RUFY2: variants seen among roughly 807,000 people sequenced by gnomAD.
RUFY2 encodes RUN and FYVE domain containing 2, also known as RUN and FYVE domain-containing protein 2.
Under a neutral mutation model 94.4 loss-of-function variants are expected in RUFY2, and 49 were observed. The ratio of observed to expected loss-of-function variants is 0.52; its 90% confidence interval spans 0.41 to 0.66. The LOEUF (loss-of-function observed/expected upper bound fraction) is 0.66, where lower values mean the gene tolerates loss of function less well. Among genes scored for constraint, RUFY2 ranks in the 30% least tolerant of loss-of-function variants. The pLI, the probability that RUFY2 is intolerant of heterozygous loss-of-function variation, is 0.00. For synonymous variants in RUFY2, 255 were observed against 235.7 expected, an observed-to-expected ratio of 1.08 and a Z score of -0.75; for missense variants, 541 against 692.8, an observed-to-expected ratio of 0.78 and a Z score of 2.46.
At chr10:68,354,984 T>TTACAGGCACCCACTACCACAC in intron 16 of RUFY2, among the ~76,000 whole-genome samples, 1 of 152,182 alleles carries the variant, frequency 6.6e-6, no homozygotes, top group South Asian at 2.1e-4. Context: ...GTGGCTGGGA[T>TTACAGGCACCCACTACCACAC]TACAGGCACC....
intron 13 of RUFY2, among the ~76,000 whole-genome samples, chr10:68,366,739 A>AATATATAT (rs35377318): frequency 4.2e-5 from 5 of 117,888 alleles, no homozygotes; most frequent in South Asian, 6.8e-4. Flanking sequence ...GAGACTCTAA[A>AATATATAT]ATATATATAT....
chr10:68,368,545 T>G (rs1432088837), intron 13 of RUFY2, among the ~76,000 whole-genome samples: 1 of 151,538 alleles, frequency 6.6e-6, no homozygotes, highest in East Asian at 2.0e-4. Flanking sequence ...TGTAATCCCA[T>G]CTACTTGGGA....
At position 68,344,020 on chromosome 10, in the gene RUFY2, A is replaced by AATC. The variant is rs932945766; in HGVS notation, c.*1745_*1747dup. The AATC allele has an allele frequency of 6.6e-6, 1 of 152,154 alleles. No individual in the cohort carries two copies. The highest frequency in any genetic ancestry group is 6.5e-5 in the Admixed American group (1 of 15,268). 9.4% of individuals were successfully genotyped at this position (152,154 alleles called of 1,614,324 possible). A position where few individuals can be genotyped will look rare whatever the true frequency, so the allele number is the denominator to read the frequency against. On this transcript the variant is annotated 3_prime_UTR_variant, in exon 18 of 18. Transcript: ENST00000602465. ...AAATTTCATTTTTTGTTTATTCAGT[A>AATC]ATCATAAAAATGTTAGCCCATCCCA...
intron 3 of RUFY2, among the ~76,000 whole-genome samples, chr10:68,400,828 T>C (rs1226348698): frequency 6.6e-6 from 1 of 151,322 alleles, no homozygotes; most frequent in Non-Finnish European, 1.5e-5. Flanking sequence ...CTAGCTAACA[T>C]GGTGAAACCC....
intron 13 of RUFY2, among the ~76,000 whole-genome samples, chr10:68,367,754 CTT>C (rs1215260821): frequency 4.1e-5 from 5 of 122,712 alleles, no homozygotes; most frequent in Admixed American, 3.7e-4. Flanking sequence ...CTCTCTCTCT[CTT>C]TCCTTCCTTT....
At chr10:68,362,134 G>C (rs549222233) in intron 15 of RUFY2, among the ~76,000 whole-genome samples, 2 of 152,076 alleles carry the variant, frequency 1.3e-5, no homozygotes, top group African/African-American at 4.8e-5. Flanking sequence ...AGACCAGCCT[G>C]GACAACATAC....
intron 13 of RUFY2, among the ~76,000 whole-genome samples, chr10:68,365,495 CTG>C (rs1260651101): frequency 6.6e-6 from 1 of 152,144 alleles, no homozygotes; most frequent in East Asian, 1.9e-4. Flanking sequence ...GAATGGTGTC[CTG>C]TGGAAGACTG....
chr10:68,379,859 G>A lies in RUFY2; in HGVS notation c.1108-338C>T, dbSNP rs1210318497. Among the ~76,000 whole-genome samples, 3 of 150,792 alleles carry A rather than the reference G, an allele frequency of 2.0e-5. No individual in the cohort carries two copies. The East Asian group carries it at 5.8e-4, about 29-fold the overall frequency. On this transcript the variant is annotated intron_variant, in intron 11 of 17. Coordinates refer to ENST00000602465, the MANE Select transcript of RUFY2 (RefSeq NM_001330103.2). ...GTCTCACTCTGTCGCCCAGGCTGGA[G>A]TGCAGTGGCACCATCTCGCCTCACT...
intron 11 of RUFY2, among the ~76,000 whole-genome samples, chr10:68,379,894 G>A (rs959083140): frequency 8.0e-5 from 12 of 150,610 alleles, no homozygotes; most frequent in East Asian, 5.8e-4. Context: ...TGCAAGCTCC[G>A]CCTCTCAGGT....
intron 15 of RUFY2, among the ~76,000 whole-genome samples, chr10:68,360,897 CAAATAAATAAAT>C (rs56749024): frequency 6.7e-5 from 10 of 148,634 alleles, no homozygotes; most frequent in Non-Finnish European, 8.9e-5. Context: ...GACCCCGTCT[CAAATAAATAAAT>C]AAATAAATAA....
chr10:68,383,918 G>C lies in RUFY2; in HGVS notation c.823-4C>G. 1 of 1,608,444 alleles carries C rather than the reference G, an allele frequency of 6.2e-7. No homozygotes were observed. The highest frequency in any genetic ancestry group is 8.5e-7 in the Non-Finnish European group (1 of 1,175,946). On this transcript the variant is annotated splice_region_variant and splice_polypyrimidine_tract_variant and intron_variant, in intron 9 of 17. Coordinates refer to ENST00000602465, the MANE Select transcript of RUFY2 (RefSeq NM_001330103.2). ...TTTCCACATCTACTTTGGTAACCTA[G>C]GAAGAAAACAAAATTTTTCATTCTA... is the stretch of plus-strand genomic sequence containing the variant.
intron 15 of RUFY2, among the ~76,000 whole-genome samples, chr10:68,358,993 AC>A (rs1564789962): frequency 6.6e-6 from 1 of 152,168 alleles, no homozygotes; most frequent in Non-Finnish European, 1.5e-5. Context: ...ATAAATAAGG[AC>A]TCAAAAAAGA....
intron 13 of RUFY2, among the ~76,000 whole-genome samples, chr10:68,371,411 G>C (rs2048269373): frequency 6.6e-6 from 1 of 150,840 alleles, no homozygotes; most frequent in Admixed American, 6.6e-5. Context: ...GACAGGCTGA[G>C]ACTCCATCTC....
At position 68,381,417 on chromosome 10, in the gene RUFY2, C is replaced by T. The variant is rs756816592; in HGVS notation, c.940-18G>A. On this transcript the variant is annotated intron_variant, in intron 10 of 17. Coordinates refer to ENST00000602465, the MANE Select transcript of RUFY2 (RefSeq NM_001330103.2). Reference sequence around the variant, plus strand: ...TCTACATCCTGCAATTTCAATGTATCCTCAATTCACATGCCACTTCAGGAT... The same window carrying T: ...TCTACATCCTGCAATTTCAATGTATTCTCAATTCACATGCCACTTCAGGAT... 2 of 1,598,570 alleles carry T rather than the reference C, an allele frequency of 1.3e-6. No individual in the cohort carries two copies. Among genetic ancestry groups the T allele is most frequent in the South Asian group, 1.1e-5 (1 of 87,862 alleles).
At chr10:68,366,673 TAG>T (rs1245907580) in intron 13 of RUFY2, among the ~76,000 whole-genome samples, 2 of 145,418 alleles carry the variant, frequency 1.4e-5, no homozygotes, top group African/African-American at 5.0e-5. Flanking sequence ...ACCTTGGAGG[TAG>T]AGGTTGCAGT....
chr10:68,366,090 G>T (rs1479595246), intron 13 of RUFY2, among the ~76,000 whole-genome samples: 1 of 152,036 alleles, frequency 6.6e-6, no homozygotes, highest in Non-Finnish European at 1.5e-5. Context: ...ACTTTGGGAG[G>T]CCAAAGCGGG....
At chr10:68,379,328 T>C (rs949122550) in intron 12 of RUFY2, 96 bp downstream of exon 12, 8 of 921,990 alleles carry the variant, frequency 8.7e-6, no homozygotes, top group East Asian at 2.6e-5. Context: ...TCCTAATCTA[T>C]GTCTTCCTAA....
At chr10:68,341,505 ATCT>A (rs2045937271), downstream of RUFY2, 3 of 1,092,152 alleles carry the variant, frequency 2.7e-6, no homozygotes, top group Non-Finnish European at 2.7e-6. Flanking sequence ...TACTTAATTG[ATCT>A]TTTTTACAAA....
chr10:68,395,704 G>A (rs919148140), intron 4 of RUFY2, among the ~76,000 whole-genome samples: 1 of 152,206 alleles, frequency 6.6e-6, no homozygotes, highest in Non-Finnish European at 1.5e-5. Context: ...AGTTATCACT[G>A]TCTCATGCCT....
Sources: allele counts gnomAD v4.1 joint callset (sites outside exome capture counted in the v4.1 genomes callset), GRCh38; gene constraint gnomAD v4.1.1; transcripts MANE v1.5; gene names NCBI Gene and HGNC (gene_info 2026-07-23, HGNC 2026-07-21).